The following NRXN1 variants were observed in gnomAD, a reference collection of about 807,000 sequenced individuals.
NRXN1 encodes neurexin 1.
In NRXN1, 39 loss-of-function variants were observed where a neutral mutation model predicts 150.9. The ratio of observed to expected loss-of-function variants is 0.26; its 90% CI spans 0.20 to 0.34. The LOEUF (loss-of-function observed/expected upper bound fraction) is 0.34, where lower values mean the gene tolerates loss of function less well. Ranked by LOEUF, NRXN1 falls within the 10% of genes least tolerant of loss-of-function variation. The probability of loss-of-function intolerance (pLI) is 1.00; values close to 1 mark genes in which losing one functional copy is unlikely to be tolerated. For missense variants in NRXN1, 1,815 were observed against 1,949.9 expected (o/e 0.93, Z 1.30); for synonymous variants, 924 against 757.0 (o/e 1.22, Z -3.62).
intron 5 of NRXN1, among the ~76,000 whole-genome samples, chr2:50,904,497 G>A (rs2103993855): frequency 6.6e-6 from 1 of 152,232 alleles, no homozygotes; most frequent in East Asian, 1.9e-4. Context: ...GGAAACTTGT[G>A]AGGGGATGTC....
intron 2 of NRXN1, among the ~76,000 whole-genome samples, chr2:50,958,517 T>C (rs962530988): frequency 1.3e-5 from 2 of 152,168 alleles, no homozygotes; most frequent in African/African-American, 2.4e-5. Context: ...GGAGTATTTA[T>C]TGATATTTTT....
In NRXN1 at chr2:50,032,019, A is replaced by G. The variant is rs12618340; in HGVS notation, c.4128+21252T>C. Among the ~76,000 whole-genome samples, 158 of 152,218 alleles carry G rather than the reference A, an allele frequency of 1.0e-3. 4 individuals carry two copies. The highest frequency in any genetic ancestry group is 7.7e-3 in the East Asian group (40 of 5,182). ...ATATATCATTCTTTGTAACAGATGG[A>G]ATGTATTAAAAATATATCAATATGT... On this transcript the variant is annotated intron_variant, in intron 21 of 22. Coordinates refer to ENST00000401669, the MANE Select transcript of NRXN1 (RefSeq NM_001330078.2).
chr2:50,052,279 A>G (rs1006754607), intron 21 of NRXN1, among the ~76,000 whole-genome samples: 4 of 152,102 alleles, frequency 2.6e-5, no homozygotes, highest in Non-Finnish European at 5.9e-5. Flanking sequence ...GTGTATTTGG[A>G]AAAGCTTTAA....
chr2:50,088,168 T>C (rs1432343154), intron 19 of NRXN1, among the ~76,000 whole-genome samples: 1 of 152,128 alleles, frequency 6.6e-6, no homozygotes, highest in African/African-American at 2.4e-5. Context: ...GCTACTGAAC[T>C]CGTATTTACA....
intron 15 of NRXN1, among the ~76,000 whole-genome samples, chr2:50,493,486 A>T (rs943355776): frequency 6.6e-6 from 1 of 152,088 alleles, no homozygotes; most frequent in African/African-American, 2.4e-5. Flanking sequence ...TCTCATAGAG[A>T]CGGAGAGCTT....
intron 12 of NRXN1, among the ~76,000 whole-genome samples, chr2:50,519,679 G>A (rs2092731116): frequency 6.6e-6 from 1 of 151,876 alleles, no homozygotes; most frequent in South Asian, 2.1e-4. Flanking sequence ...TACAGTCAAG[G>A]ACGATAACTT....
intron 8 of NRXN1, among the ~76,000 whole-genome samples, chr2:50,614,640 A>AAAAAT (rs377332372): frequency 5.9e-4 from 85 of 143,312 alleles, no homozygotes; most frequent in African/African-American, 1.5e-3. Context: ...GTATAATAAA[A>AAAAAT]ATATATATAT....
At chr2:50,049,682 T>C (rs1314473813) in intron 21 of NRXN1, among the ~76,000 whole-genome samples, 3 of 152,156 alleles carry the variant, frequency 2.0e-5, no homozygotes, top group African/African-American at 7.2e-5. Context: ...CAATTTTCCT[T>C]TCTTTGTGGA....
intron 2 of NRXN1, among the ~76,000 whole-genome samples, chr2:50,960,248 TG>T (rs1290596509): frequency 1.3e-5 from 2 of 151,964 alleles, no homozygotes; most frequent in Admixed American, 1.3e-4. Context: ...CCATATCAGA[TG>T]GAGACAGAAG....
At chr2:50,380,299 T>TGC (rs2080861148) in intron 17 of NRXN1, among the ~76,000 whole-genome samples, 1 of 149,318 alleles carries the variant, frequency 6.7e-6, no homozygotes, top group Non-Finnish European at 1.5e-5. Flanking sequence ...TGTGTGTGCG[T>TGC]GTGTGTGTGT....
chr2:50,518,374 G>T (rs2092687353), intron 12 of NRXN1, among the ~76,000 whole-genome samples: 2 of 151,894 alleles, frequency 1.3e-5, no homozygotes, highest in Non-Finnish European at 2.9e-5. Flanking sequence ...TAACAGGACA[G>T]CTAGCAGATA....
chr2:50,111,396 C>T (rs889364814), intron 18 of NRXN1, among the ~76,000 whole-genome samples: 3 of 152,118 alleles, frequency 2.0e-5, no homozygotes, highest in African/African-American at 4.8e-5. Flanking sequence ...AATCCCAGCA[C>T]TTTTGGAGGT....
chr2:50,354,554 CATATATATATATATAT>C (rs71404946), intron 17 of NRXN1, among the ~76,000 whole-genome samples: 11 of 100,132 alleles, frequency 1.1e-4, no homozygotes, highest in African/African-American at 2.8e-4. Flanking sequence ...AGAGTGCATA[CATATATATATATATAT>C]ATATATATAT....
intron 19 of NRXN1, among the ~76,000 whole-genome samples, chr2:50,071,466 T>C (rs140511211): frequency 2.6e-5 from 4 of 152,218 alleles, no homozygotes; most frequent in African/African-American, 9.6e-5. Context: ...CTGGTGTCCT[T>C]ATAAGAGGAA....
intron 16 of NRXN1, 102 bp from the exon 17 acceptor site, chr2:50,465,663 T>C (rs754563954): frequency 1.4e-5 from 18 of 1,272,476 alleles, no homozygotes; most frequent in Non-Finnish European, 1.8e-5. Flanking sequence ...CCACAGATGA[T>C]ATGTCCAAAC....
In NRXN1 at chr2:50,133,045, G is replaced by A. The variant is rs1050987713; in HGVS notation, c.3547-41551C>T. 2.0e-5 allele frequency among the ~76,000 whole-genome samples: 3 copies of A among 152,142 alleles called. No individual in the cohort carries two copies. In the South Asian group the frequency reaches 6.2e-4, roughly 32 times the overall value. On this transcript the variant is annotated intron_variant, in intron 18 of 22. Transcript: ENST00000401669. ...ATCCTGTTCCCTTAGGAAGTGCAAG[G>A]GAGGTGGTGAGGACATAGGCAATCA...
chr2:50,506,492 T>C lies in NRXN1; in HGVS notation c.2497+3A>G, dbSNP rs202074070. The C allele has an allele frequency of 3.7e-6, 6 of 1,611,936 alleles. No individual in the cohort carries two copies. Among genetic ancestry groups the C allele is most frequent in the Middle Eastern group, 3.3e-4 (2 of 6,074 alleles). Reference sequence around the variant, plus strand: ...GAAAAGACAATGGGACAGAGGTGTTTACCTGTCATGGCCTGTTGGTCATCC... The same window carrying C: ...GAAAAGACAATGGGACAGAGGTGTTCACCTGTCATGGCCTGTTGGTCATCC... On this transcript the variant is annotated splice_donor_region_variant and intron_variant, in intron 13 of 22. Transcript: ENST00000401669.
At chr2:50,770,323 A>G (rs536793911) in intron 5 of NRXN1, among the ~76,000 whole-genome samples, 4 of 151,446 alleles carry the variant, frequency 2.6e-5, no homozygotes, top group Admixed American at 1.3e-4. Context: ...ACATAATTTT[A>G]TATTTTATAT....
At chr2:50,675,925 C>T (rs1192060889) in intron 5 of NRXN1, among the ~76,000 whole-genome samples, 1 of 151,924 alleles carries the variant, frequency 6.6e-6, no homozygotes, top group African/African-American at 2.4e-5. Flanking sequence ...AGCTTAAGAT[C>T]CAGTCAAAAA....
Sources: gnomAD v4.1 joint callset for allele counts (sites outside exome capture counted in the v4.1 genomes callset) on GRCh38, gnomAD v4.1.1 for gene constraint, MANE v1.5 for transcripts, NCBI Gene and HGNC (gene_info 2026-07-23, HGNC 2026-07-21) for gene names.